RGS7: variants seen among roughly 807,000 people sequenced by gnomAD.
RGS7 encodes the protein regulator of G-protein signaling 7.
RGS7 carries 27 observed loss-of-function variants against 81.1 expected under a neutral mutation model. The ratio of observed to expected loss-of-function variants is 0.33; its 90% confidence interval spans 0.25 to 0.46. RGS7 has a LOEUF of 0.46. RGS7 is among the 20% of genes least tolerant of loss of function. The pLI, the probability that RGS7 is intolerant of heterozygous loss-of-function variation, is 1.00. For synonymous variants in RGS7, 208 were observed against 207.7 expected (o/e 1.00, Z -0.01); for missense variants, 396 against 607.4 (o/e 0.65, Z 3.66).
At chr1:241,350,573 T>C (rs564786366) in intron 2 of RGS7, among the ~76,000 whole-genome samples, 1 of 152,188 alleles carries the variant, frequency 6.6e-6, no homozygotes, top group African/African-American at 2.4e-5. Context: ...TCTGCTAACA[T>C]GTAGTAAACC....
intron 3 of RGS7, among the ~76,000 whole-genome samples, chr1:241,011,726 C>T (rs2058965783): frequency 6.6e-6 from 1 of 152,130 alleles, no homozygotes; most frequent in African/African-American, 2.4e-5. Flanking sequence ...ATCCCCATAC[C>T]TTGAGAACAG....
chr1:241,132,025 A>G (rs926720986), intron 2 of RGS7, among the ~76,000 whole-genome samples: 19 of 152,224 alleles, frequency 1.2e-4, no homozygotes, highest in African/African-American at 4.3e-4. Context: ...TCCTTAATAG[A>G]AAGAGTGGTA....
At chr1:240,990,877 A>C (rs1686356854) in intron 3 of RGS7, among the ~76,000 whole-genome samples, 1 of 152,242 alleles carries the variant, frequency 6.6e-6, no homozygotes, top group Non-Finnish European at 1.5e-5. Context: ...CAGTCATTTA[A>C]ATGCATTTGC....
intron 2 of RGS7, among the ~76,000 whole-genome samples, chr1:241,138,523 G>A (rs1204514809): frequency 6.6e-6 from 1 of 152,160 alleles, no homozygotes; most frequent in Non-Finnish European, 1.5e-5. Context: ...CACACGCCTG[G>A]CTTCTGTGGA....
At chr1:241,063,887 A>G (rs765048554) in intron 3 of RGS7, among the ~76,000 whole-genome samples, 2 of 152,164 alleles carry the variant, frequency 1.3e-5, no homozygotes, top group Non-Finnish European at 2.9e-5. Context: ...CTGCCACATG[A>G]AGGAAATCAA....
At chr1:240,932,772 T>G (rs1675734254) in intron 5 of RGS7, among the ~76,000 whole-genome samples, 1 of 150,622 alleles carries the variant, frequency 6.6e-6, no homozygotes, top group Non-Finnish European at 1.5e-5. Context: ...CCTCCCAAAG[T>G]GCTGGGATTA....
intron 2 of RGS7, among the ~76,000 whole-genome samples, chr1:241,189,036 G>A (rs2072376856): frequency 1.3e-5 from 2 of 152,068 alleles, no homozygotes; most frequent in Non-Finnish European, 2.9e-5. Context: ...GTTCAGTGGT[G>A]CAGTCATAGC....
intron 4 of RGS7, among the ~76,000 whole-genome samples, chr1:240,954,885 G>C (rs897007078): frequency 6.6e-6 from 1 of 152,010 alleles, no homozygotes; most frequent in African/African-American, 2.4e-5. Context: ...AAATTTAAAA[G>C]GTAGAATATC....
At chr1:240,788,375 C>A (rs1313234918) in intron 18 of RGS7, among the ~76,000 whole-genome samples, 1 of 152,190 alleles carries the variant, frequency 6.6e-6, no homozygotes, top group Non-Finnish European at 1.5e-5. Flanking sequence ...AATTGGACAG[C>A]AGCATCTCAG....
chr1:240,814,801 G>A (rs2103112181), intron 11 of RGS7, 24 bp from the exon 12 acceptor site: 1 of 1,396,540 alleles, frequency 7.2e-7, no homozygotes, highest in Non-Finnish European at 1.0e-6. Flanking sequence ...TAGAGAAGGA[G>A]TTACATAAGT....
chr1:241,089,497 A>G (rs1446810880), intron 3 of RGS7, among the ~76,000 whole-genome samples: 3 of 152,060 alleles, frequency 2.0e-5, no homozygotes, highest in Non-Finnish European at 4.4e-5. Flanking sequence ...GACTAAAATG[A>G]AATACAGTCA....
intron 3 of RGS7, among the ~76,000 whole-genome samples, chr1:241,073,343 C>T (rs2062592562): frequency 1.3e-5 from 2 of 152,118 alleles, no homozygotes; most frequent in Admixed American, 1.3e-4. Context: ...AAATTCCCAG[C>T]ACAGGTGGGT....
At chr1:241,084,433 T>G (rs887955722) in intron 3 of RGS7, among the ~76,000 whole-genome samples, 1 of 152,206 alleles carries the variant, frequency 6.6e-6, no homozygotes. Flanking sequence ...ACAGGTCCTA[T>G]GTCTATGCAA....
chr1:240,878,583 G>A (rs1038468495), intron 6 of RGS7, among the ~76,000 whole-genome samples: 1 of 144,812 alleles, frequency 6.9e-6, no homozygotes, highest in Non-Finnish European at 1.5e-5. Flanking sequence ...TTAGACTTAA[G>A]GCCCATTAAT....
intron 2 of RGS7, among the ~76,000 whole-genome samples, chr1:241,212,113 TAATA>T (rs1475044951): frequency 9.2e-5 from 14 of 151,662 alleles, no homozygotes; most frequent in East Asian, 3.9e-4. Context: ...CAATTATAAT[TAATA>T]AATAATAGTT....
chr1:241,023,311 T>C (rs562238465), intron 3 of RGS7, among the ~76,000 whole-genome samples: 1 of 152,342 alleles, frequency 6.6e-6, no homozygotes, highest in Non-Finnish European at 1.5e-5. Context: ...CTCGTAGATG[T>C]ACATTTTCTC....
chr1:241,355,799 C>G lies in RGS7; in HGVS notation c.-23G>C. The G allele has an allele frequency of 6.2e-7, 1 of 1,601,530 alleles. No individual in the cohort carries two copies. The highest frequency in any genetic ancestry group is 1.3e-5 in the African/African-American group (1 of 74,868). On this transcript the variant is annotated 5_prime_UTR_variant, in exon 2 of 19. Transcript: ENST00000440928. ...CATGTCACCCAAAACTTGGTCCACT[C>G]TCAAGATACAAGAATTATCAGTGTG...
chr1:241,283,814 G>A (rs2078651583), intron 2 of RGS7, among the ~76,000 whole-genome samples: 1 of 152,050 alleles, frequency 6.6e-6, no homozygotes, highest in Non-Finnish European at 1.5e-5. Context: ...TTTAATTTCA[G>A]TCTATTTCCT....
At chr1:240,895,438 C>CT (rs777159280) in intron 6 of RGS7, among the ~76,000 whole-genome samples, 19 of 151,944 alleles carry the variant, frequency 1.3e-4, no homozygotes, top group Non-Finnish European at 2.1e-4. Flanking sequence ...TCCCTCCCCC[C>CT]TCCTCCACCC....
Sources: allele counts gnomAD v4.1 joint callset (sites outside exome capture counted in the v4.1 genomes callset), GRCh38; gene constraint gnomAD v4.1.1; transcripts MANE v1.5; gene names NCBI Gene and HGNC (gene_info 2026-07-23, HGNC 2026-07-21).